CGGBP1: variants seen among roughly 807,000 people sequenced by gnomAD.
CGGBP1 encodes the protein CGG triplet repeat-binding protein 1.
Under a neutral mutation model 11.4 loss-of-function variants are expected in CGGBP1, and 4 were observed. That is an observed-to-expected ratio of 0.35 (90% CI 0.17 to 0.80). The LOEUF (loss-of-function observed/expected upper bound fraction) is 0.80. Among genes scored for constraint, CGGBP1 ranks in the 30% least tolerant of loss-of-function variants. The pLI is 0.52. For missense variants in CGGBP1, 135 were observed against 202.1 expected (o/e 0.67, Z 2.01); for synonymous variants, 76 against 74.1 (o/e 1.03, Z -0.13).
chr3:88,127,826 TG>T (rs1015252839), intron 2 of CGGBP1, among the ~76,000 whole-genome samples: 2 of 152,180 alleles, frequency 1.3e-5, no homozygotes, highest in Admixed American at 1.3e-4. Context: ...CTCATTGATA[TG>T]GATGACTTTT....
At chr3:88,103,571 A>C (rs1704557879) in intron 2 of CGGBP1, among the ~76,000 whole-genome samples, 1 of 152,160 alleles carries the variant, frequency 6.6e-6, no homozygotes, top group Non-Finnish European at 1.5e-5. Flanking sequence ...AATGGCCATG[A>C]ATTTTCTTAA....
chr3:88,125,392 A>T (rs920644919), intron 2 of CGGBP1, among the ~76,000 whole-genome samples: 1 of 152,184 alleles, frequency 6.6e-6, no homozygotes, highest in African/African-American at 2.4e-5. Context: ...TGTTATAATG[A>T]CAAGTCCAAG....
intron 2 of CGGBP1, chr3:88,129,067 CAAA>C: frequency 9.7e-7 from 1 of 1,036,210 alleles, no homozygotes; most frequent in Non-Finnish European, 1.3e-6. Flanking sequence ...AAAAAAAAAC[CAAA>C]AAAAAAAAGT....
intron 2 of CGGBP1, among the ~76,000 whole-genome samples, chr3:88,090,419 A>G (rs1383112090): frequency 6.6e-6 from 1 of 152,296 alleles, no homozygotes. Context: ...AAAAATGGAA[A>G]AAATTTAAAG....
Position 88,139,246 on chromosome 3 carries a change from C to A in CGGBP1, c.-229+1724G>T, listed in dbSNP as rs140910532. 7.2e-6 allele frequency: 11 copies of A among 1,520,842 alleles called. No homozygotes were observed. In the Admixed American group the frequency reaches 1.9e-4, roughly 26 times the overall value. 94.2% of individuals were successfully genotyped at this position (1,520,842 alleles called of 1,614,324 possible). A position where few individuals can be genotyped will look rare whatever the true frequency, so the allele number is the denominator to read the frequency against. ...GTGCAGCCTAAAGGTCATATTAATACGAAGAAAAATCTTACAGCTCTCAGT... is the reference window on the plus strand; with the variant it reads ...GTGCAGCCTAAAGGTCATATTAATAAGAAGAAAAATCTTACAGCTCTCAGT... On this transcript the variant is annotated intron_variant, in intron 2 of 3. Coordinates refer to the CGGBP1 transcript ENST00000462901.
intron 2 of CGGBP1, among the ~76,000 whole-genome samples, chr3:88,078,239 A>C (rs1165205503): frequency 1.3e-5 from 2 of 152,136 alleles, no homozygotes; most frequent in Admixed American, 1.3e-4. Context: ...TCTTCTATTA[A>C]ATCAACTGGT....
At chr3:88,079,028 A>T (rs986779148) in intron 2 of CGGBP1, among the ~76,000 whole-genome samples, 1 of 152,118 alleles carries the variant, frequency 6.6e-6, no homozygotes, top group African/African-American at 2.4e-5. Flanking sequence ...TTTGGGCTGA[A>T]ACTAAGAATG....
chr3:88,059,261 G>A (rs997506500), upstream of CGGBP1: 3 of 1,531,372 alleles, frequency 2.0e-6, no homozygotes, highest in South Asian at 1.2e-5. Flanking sequence ...GGTTAGCCTA[G>A]GCATCTACGG....
intron 2 of CGGBP1, among the ~76,000 whole-genome samples, chr3:88,085,015 ATC>A (rs1306224261): frequency 6.6e-6 from 1 of 152,198 alleles, no homozygotes; most frequent in Non-Finnish European, 1.5e-5. Flanking sequence ...GGGAGACAGC[ATC>A]TCTGTTTTTC....
chr3:88,107,180 C>T (rs544594801), intron 2 of CGGBP1, among the ~76,000 whole-genome samples: 7 of 152,128 alleles, frequency 4.6e-5, no homozygotes, highest in Non-Finnish European at 1.0e-4. Flanking sequence ...TTGAGGTATA[C>T]ACTTTATATA....
At chr3:88,122,062 C>A (rs1705801068) in intron 2 of CGGBP1, among the ~76,000 whole-genome samples, 1 of 152,122 alleles carries the variant, frequency 6.6e-6, no homozygotes, top group Non-Finnish European at 1.5e-5. Flanking sequence ...CTTCCTCTTA[C>A]ATAATAATGT....
At chr3:88,086,794 T>TC (rs1708356959) in intron 2 of CGGBP1, among the ~76,000 whole-genome samples, 1 of 152,162 alleles carries the variant, frequency 6.6e-6, no homozygotes, top group African/African-American at 2.4e-5. Context: ...GTTGTTTTGT[T>TC]CTTTTTGAGA....
At chr3:88,134,608 TAC>T (rs1213608188) in intron 2 of CGGBP1, among the ~76,000 whole-genome samples, 5 of 152,138 alleles carry the variant, frequency 3.3e-5, no homozygotes, top group African/African-American at 1.2e-4. Flanking sequence ...ATACTATACT[TAC>T]AGTTTTAATC....
intron 2 of CGGBP1, chr3:88,139,983 C>T: frequency 2.5e-6 from 4 of 1,613,694 alleles, no homozygotes; most frequent in Non-Finnish European, 3.4e-6. Flanking sequence ...GACCGTACAT[C>T]CAACCGATTT....
In CGGBP1 at chr3:88,102,519, C is replaced by T. The variant is rs57722356; in HGVS notation, c.-229+38451G>A. ...AAGCGTGATGAAGGTCTTTTTGTGT[C>T]TTCCATTTCTTTACTTAACATGGTT... On this transcript the variant is annotated intron_variant, in intron 2 of 3. Coordinates refer to the CGGBP1 transcript ENST00000462901. Among the ~76,000 whole-genome samples, 463 of 152,238 alleles carry T rather than the reference C, an allele frequency of 3.0e-3. 3 individuals carry two copies. Among genetic ancestry groups the T allele is most frequent in the African/African-American group, 0.011 (445 of 41,542 alleles).
chr3:88,143,512 T>C (rs1707223709), intron 1 of CGGBP1: 1 of 152,336 alleles, frequency 6.6e-6, no homozygotes, highest in Non-Finnish European at 1.5e-5. Context: ...GGAAACTGGT[T>C]CATTTGGACA....
chr3:88,057,724 A>G (rs1706593201), intron 2 of CGGBP1: 1 of 152,224 alleles, frequency 6.6e-6, no homozygotes, highest in Non-Finnish European at 1.5e-5. Flanking sequence ...ATAAGCATGT[A>G]ATTCTTTATA....
intron 2 of CGGBP1, among the ~76,000 whole-genome samples, chr3:88,076,799 A>T (rs1707828159): frequency 6.6e-6 from 1 of 152,210 alleles, no homozygotes; most frequent in Non-Finnish European, 1.5e-5. Flanking sequence ...ATTGGCAGGG[A>T]TCTAAATTCA....
At chr3:88,059,015 C>T (rs537181689), upstream of CGGBP1, 44 of 419,806 alleles carry the variant, frequency 1.0e-4, no homozygotes, top group African/African-American at 8.3e-4. Flanking sequence ...TGGCAGAGCC[C>T]GTAGGCGGTC....
Sources: gnomAD v4.1 joint callset for allele counts (sites outside exome capture counted in the v4.1 genomes callset) on GRCh38, gnomAD v4.1.1 for gene constraint, MANE v1.5 for transcripts, NCBI Gene and HGNC (gene_info 2026-07-23, HGNC 2026-07-21) for gene names.